Variants in KRABD5 observed in about 807,000 individuals in gnomAD.
KRABD5 encodes the protein KRAB domain-containing protein 5.
chr16:31,751,240 C>T, the KRABD5 span, among the ~76,000 whole-genome samples: 2 of 152,054 alleles, frequency 1.3e-5, no homozygotes, highest in Non-Finnish European at 2.9e-5. Context: ...AGATATTGTC[C>T]TGTAGTTTTA....
chr16:31,721,173 T>C, the KRABD5 span, among the ~76,000 whole-genome samples: 1 of 152,180 alleles, frequency 6.6e-6, no homozygotes, highest in Non-Finnish European at 1.5e-5. Flanking sequence ...CATAGTTTGT[T>C]AAAAAACAGA....
chr16:31,730,850 T>G, the KRABD5 span, among the ~76,000 whole-genome samples: 1 of 152,160 alleles, frequency 6.6e-6, no homozygotes, highest in East Asian at 1.9e-4. Flanking sequence ...GTTCTTTCAT[T>G]GTTCGCTTTA....
the KRABD5 span, among the ~76,000 whole-genome samples, chr16:31,728,158 T>G: frequency 6.6e-6 from 1 of 152,176 alleles, no homozygotes; most frequent in East Asian, 1.9e-4. Context: ...CCCAGCCCAC[T>G]TATAATTTTT....
At chr16:31,734,009 C>T in the KRABD5 span, among the ~76,000 whole-genome samples, 1 of 152,124 alleles carries the variant, frequency 6.6e-6, no homozygotes, top group African/African-American at 2.4e-5. Flanking sequence ...TTTTCATGAC[C>T]AAGCTTTCCA....
the KRABD5 span, among the ~76,000 whole-genome samples, chr16:31,734,808 G>A: frequency 2.9e-4 from 44 of 150,288 alleles, no homozygotes; most frequent in Non-Finnish European, 6.2e-4. Flanking sequence ...GTGCAGTGGC[G>A]TGATCTCAGC....
At chr16:31,733,681 C>T in the KRABD5 span, 1 of 453,960 alleles carries the variant, frequency 2.2e-6, no homozygotes, top group South Asian at 1.6e-5. Context: ...TTTCACCTGA[C>T]ATAATGTCCT....
At chr16:31,719,354 G>A in the KRABD5 span, among the ~76,000 whole-genome samples, 2 of 152,116 alleles carry the variant, frequency 1.3e-5, no homozygotes, top group Non-Finnish European at 2.9e-5. Context: ...TTCCCAGAAG[G>A]CCCTACATGT....
the KRABD5 span, among the ~76,000 whole-genome samples, chr16:31,747,187 G>A: frequency 7.6e-6 from 1 of 132,432 alleles, no homozygotes; most frequent in Non-Finnish European, 1.5e-5. Context: ...TCCCCTTCCT[G>A]TGTCCATGTG....
At chr16:31,750,807 C>T in the KRABD5 span, among the ~76,000 whole-genome samples, 1 of 151,956 alleles carries the variant, frequency 6.6e-6, no homozygotes, top group Non-Finnish European at 1.5e-5. Flanking sequence ...GCTGGAGTCC[C>T]ACTCTATCCC....
chr16:31,755,586 C>A, the KRABD5 span: 1 of 469,404 alleles, frequency 2.1e-6, no homozygotes. Context: ...TTTAACCGGT[C>A]TTCAAACCTT....
At chr16:31,747,997 A>G in the KRABD5 span, among the ~76,000 whole-genome samples, 1 of 152,162 alleles carries the variant, frequency 6.6e-6, no homozygotes, top group Non-Finnish European at 1.5e-5. Context: ...TAGTTTAATT[A>G]GATCCCATTT....
the KRABD5 span, among the ~76,000 whole-genome samples, chr16:31,742,217 C>T: frequency 6.7e-6 from 1 of 149,724 alleles, no homozygotes; most frequent in Non-Finnish European, 1.5e-5. Context: ...ATGGGGGATA[C>T]ATTTGCAGAA....
At chr16:31,757,571 G>A in the KRABD5 span, 3 of 152,184 alleles carry the variant, frequency 2.0e-5, no homozygotes, top group East Asian at 5.8e-4. Context: ...TATTTTGATT[G>A]AATGCTGTAA....
chr16:31,713,330 GCGGCT>G, the KRABD5 span: 1 of 1,514,766 alleles, frequency 6.6e-7, no homozygotes, highest in East Asian at 2.5e-5. Flanking sequence ...GGAGGCCAAG[GCGGCT>G]TCGCGTTCTG....
chr16:31,743,487 G>C, the KRABD5 span, among the ~76,000 whole-genome samples: 1 of 152,124 alleles, frequency 6.6e-6, no homozygotes, highest in African/African-American at 2.4e-5. Context: ...CTATATATCT[G>C]TTTTGGTACC....
At chr16:31,744,383 A>G in the KRABD5 span, among the ~76,000 whole-genome samples, 1 of 152,130 alleles carries the variant, frequency 6.6e-6, no homozygotes, top group Non-Finnish European at 1.5e-5. Flanking sequence ...TGAGATAATC[A>G]TGTGGTTTTT....
At chr16:31,730,824 CTG>C in the KRABD5 span, among the ~76,000 whole-genome samples, 51 of 151,976 alleles carry the variant, frequency 3.4e-4, no homozygotes, top group African/African-American at 1.2e-3. Context: ...CTTGTTAAAA[CTG>C]TTAGATTTTT....
the KRABD5 span, among the ~76,000 whole-genome samples, chr16:31,747,126 G>A: frequency 2.6e-5 from 4 of 150,980 alleles, no homozygotes; most frequent in South Asian, 8.4e-4. Context: ...ATCTCTTAAT[G>A]CTATCCCTAC....
the KRABD5 span, chr16:31,759,073 T>TA: frequency 3.4e-6 from 1 of 298,264 alleles, no homozygotes; most frequent in South Asian, 4.3e-5. Flanking sequence ...CAGCAACCAC[T>TA]AAAAAATGCA....
Sources: allele counts gnomAD v4.1 joint callset (sites outside exome capture counted in the v4.1 genomes callset), GRCh38; gene constraint gnomAD v4.1.1; transcripts MANE v1.5; gene names NCBI Gene and HGNC (gene_info 2026-07-23, HGNC 2026-07-21).